The following PRDM14 variants were observed in gnomAD, a reference collection of about 807,000 sequenced individuals.
PRDM14 encodes the protein PR domain zinc finger protein 14.
PRDM14 carries 16 observed loss-of-function variants against 48.0 expected under a neutral mutation model. That is an observed-to-expected ratio of 0.33 (90% CI 0.23 to 0.51). The LOEUF (loss-of-function observed/expected upper bound fraction) is 0.51, where lower values mean the gene tolerates loss of function less well. Among genes scored for constraint, PRDM14 ranks in the 20% least tolerant of loss-of-function variants. The pLI, the probability that PRDM14 is intolerant of heterozygous loss-of-function variation, is 0.97. For missense variants in PRDM14, 566 were observed against 719.6 expected (o/e 0.79, Z 2.44); for synonymous variants, 264 against 276.6 (o/e 0.95, Z 0.45).
intron 5 of PRDM14, among the ~76,000 whole-genome samples, chr8:70,063,669 T>G (rs1805621071): frequency 6.6e-6 from 1 of 151,566 alleles, no homozygotes; most frequent in South Asian, 2.1e-4. Context: ...ATTACAGGCA[T>G]GCACCACCAC....
At chr8:70,053,493 C>A (rs888251952) in intron 7 of PRDM14, among the ~76,000 whole-genome samples, 3 of 152,092 alleles carry the variant, frequency 2.0e-5, no homozygotes, top group Admixed American at 2.0e-4. Flanking sequence ...CAGGTTCAAG[C>A]GATTCTAGTG....
In PRDM14 at chr8:70,069,457, C is replaced by T. The variant is rs1805727468; in HGVS notation, c.404G>A (p.Gly135Asp). Residue 135 changes from glycine to aspartate, a missense_variant, in exon 2 of 8, where the codon GGT becomes GAT. Gly to Asp is a moderately conservative substitution (Grantham distance 94). Transcript: ENST00000276594. Reference protein sequence around the residue: ...SSEDLGHQIIGGDNESGPCCG... With the variant: ...SSEDLGHQIIDGDNESGPCCG... ...ACACGGGCCACTCTCGTTGTCGCCA[C>T]CAATGATTTGGTGGCCCAGATCTTC... is the stretch of plus-strand genomic sequence containing the variant. 6.3e-7 allele frequency: 1 copy of T among 1,578,192 alleles called. No individual in the cohort carries two copies. Among genetic ancestry groups the T allele is most frequent in the South Asian group, 1.2e-5 (1 of 85,716 alleles).
At chr8:70,055,136 A>G (rs1805452262) in intron 7 of PRDM14, among the ~76,000 whole-genome samples, 164 bp downstream of exon 7, 1 of 152,210 alleles carries the variant, frequency 6.6e-6, no homozygotes, top group Non-Finnish European at 1.5e-5. Flanking sequence ...ATATTTGACC[A>G]TCTTTAGCAA....
intron 2 of PRDM14, 38 bp downstream of exon 2, chr8:70,069,123 G>C: frequency 7.0e-7 from 1 of 1,426,018 alleles, no homozygotes. Flanking sequence ...CTGCATTCCC[G>C]TCCAATTCGA....
chr8:70,055,244 C>T (rs1805453905), intron 7 of PRDM14, 56 bp downstream of exon 7: 1 of 972,040 alleles, frequency 1.0e-6, no homozygotes, highest in East Asian at 2.4e-5. Flanking sequence ...AAGTTCTTAT[C>T]CATAGACACT....
intron 5 of PRDM14, among the ~76,000 whole-genome samples, chr8:70,060,453 C>T (rs189748645): frequency 4.7e-5 from 7 of 150,218 alleles, no homozygotes; most frequent in East Asian, 2.0e-4. Flanking sequence ...CATACCTAAA[C>T]GATTAACTCT....
In PRDM14 at chr8:70,051,967, T is replaced by G; in HGVS notation, c.*110A>C. The G allele has an allele frequency of 1.4e-6, 1 of 722,058 alleles. No homozygotes were observed. The highest frequency in any genetic ancestry group is 2.3e-6 in the Non-Finnish European group (1 of 437,120). 44.7% of individuals were successfully genotyped at this position (722,058 alleles called of 1,614,324 possible). A position where few individuals can be genotyped will look rare whatever the true frequency, so the allele number is the denominator to read the frequency against. On this transcript the variant is annotated 3_prime_UTR_variant, in exon 8 of 8. Transcript: ENST00000276594. ...TTGTATTTTTTTGGTAGAGACAGGA[T>G]TTCACCATGTTGCCCAGGCTGGTCT... is the stretch of plus-strand genomic sequence containing the variant.
intron 7 of PRDM14, among the ~76,000 whole-genome samples, chr8:70,052,777 A>C (rs1266146292): frequency 7.0e-6 from 1 of 143,662 alleles, no homozygotes; most frequent in African/African-American, 2.6e-5. Flanking sequence ...AGATGGGAGA[A>C]TTTCTTGAAC....
At chr8:70,067,436 T>C (rs891994628) in intron 4 of PRDM14, among the ~76,000 whole-genome samples, 1 of 150,718 alleles carries the variant, frequency 6.6e-6, no homozygotes, top group African/African-American at 2.5e-5. Flanking sequence ...GAGAATTGCT[T>C]GAACCCAGGA....
chr8:70,070,284 T>C (rs146703187), intron 1 of PRDM14, among the ~76,000 whole-genome samples: 91 of 152,168 alleles, frequency 6.0e-4, no homozygotes, highest in Middle Eastern at 3.4e-3. Flanking sequence ...CAAAACTCGT[T>C]GGTAGGGTCT....
At chr8:70,053,888 G>C (rs1381398490) in intron 7 of PRDM14, among the ~76,000 whole-genome samples, 1 of 152,154 alleles carries the variant, frequency 6.6e-6, no homozygotes, top group Non-Finnish European at 1.5e-5. Context: ...ATCTATACCA[G>C]TGCTTTCCAA....
chr8:70,051,766 A>AT lies in PRDM14; in HGVS notation c.*310dup, dbSNP rs1055838783. 3.9e-5 allele frequency: 4 copies of AT among 103,550 alleles called. No homozygotes were observed. The highest frequency in any genetic ancestry group is 1.1e-3 in the East Asian group (2 of 1,896). 6.4% of individuals were successfully genotyped at this position (103,550 alleles called of 1,614,324 possible). Reference sequence around the variant, plus strand: ...GTCTCCACACTCTTGAGGGCTACTCATTTTTTTTGTTTTGTTTTGTTTTGA... The same window carrying AT: ...GTCTCCACACTCTTGAGGGCTACTCATTTTTTTTTGTTTTGTTTTGTTTTGA... On this transcript the variant is annotated 3_prime_UTR_variant, in exon 8 of 8. Coordinates refer to ENST00000276594, the MANE Select transcript of PRDM14 (RefSeq NM_024504.4).
Position 70,052,003 on chromosome 8 carries a change from G to A in PRDM14, c.*74C>T. ...TGCCCAGGCTGGTCTCGAACTCCTG[G>A]ACTTGAGTGATCCACCCACCTCTGC... On this transcript the variant is annotated 3_prime_UTR_variant, in exon 8 of 8. Coordinates refer to ENST00000276594, the MANE Select transcript of PRDM14 (RefSeq NM_024504.4). The A allele has an allele frequency of 9.6e-7, 1 of 1,037,722 alleles. No homozygotes were observed. The highest frequency in any genetic ancestry group is 1.4e-6 in the Non-Finnish European group (1 of 694,612). The allele number at this position is 1,037,722 out of a possible 1,614,324, so 64.3% of individuals were successfully genotyped here.
Position 70,069,178 on chromosome 8 carries a change from AC to A in PRDM14, c.682del (p.Val228SerfsTer66). 6.6e-7 allele frequency: 1 copy of A among 1,514,550 alleles called. No homozygotes were observed. The highest frequency in any genetic ancestry group is 8.8e-7 in the Non-Finnish European group (1 of 1,131,448). The allele number at this position is 1,514,550 out of a possible 1,614,324, so 93.8% of individuals were successfully genotyped here. A position where few individuals can be genotyped will look rare whatever the true frequency, so the allele number is the denominator to read the frequency against. ...CCCTTTACCAGAGCTGTCTGGGGGG[AC>A]CAGGAGGCCTGAAATCGCATGGTGC... ...SLHHAISGLL[V>X]PPDSSGSDSL... On this transcript the variant is annotated frameshift_variant, in exon 2 of 8. Coordinates refer to ENST00000276594, the MANE Select transcript of PRDM14 (RefSeq NM_024504.4). LOFTEE classifies it high-confidence loss of function.
At chr8:70,060,058 A>C (rs1406084373) in intron 5 of PRDM14, among the ~76,000 whole-genome samples, 3 of 144,136 alleles carry the variant, frequency 2.1e-5, no homozygotes, top group Non-Finnish European at 3.0e-5. Flanking sequence ...GCACCACTGC[A>C]CTCCAGCCTG....
intron 5 of PRDM14, among the ~76,000 whole-genome samples, chr8:70,063,059 C>A (rs1242003696): frequency 6.6e-6 from 1 of 152,068 alleles, no homozygotes; most frequent in Non-Finnish European, 1.5e-5. Flanking sequence ...GACTATTTCT[C>A]GATAATAGAT....
At chr8:70,054,227 A>G (rs1037815284) in intron 7 of PRDM14, among the ~76,000 whole-genome samples, 8 of 152,236 alleles carry the variant, frequency 5.3e-5, no homozygotes, top group Admixed American at 1.3e-4. Context: ...CGCTTCTGCA[A>G]TGCTCCTATA....
chr8:70,060,917 G>A (rs1033490188), intron 5 of PRDM14, among the ~76,000 whole-genome samples: 7 of 152,246 alleles, frequency 4.6e-5, no homozygotes, highest in African/African-American at 1.7e-4. Flanking sequence ...ACTTGTGGCA[G>A]ATTCCAGAGC....
intron 5 of PRDM14, among the ~76,000 whole-genome samples, chr8:70,062,551 G>A (rs1036708439): frequency 4.0e-5 from 6 of 150,366 alleles, no homozygotes; most frequent in African/African-American, 1.5e-4. Flanking sequence ...TGCAACCTCC[G>A]CCCCCGGTTT....
Sources: gnomAD v4.1 joint callset for allele counts (sites outside exome capture counted in the v4.1 genomes callset) on GRCh38, gnomAD v4.1.1 for gene constraint, MANE v1.5 for transcripts, NCBI Gene and HGNC (gene_info 2026-07-23, HGNC 2026-07-21) for gene names.